Variants in MAP3K4 observed in about 807,000 individuals in gnomAD.
MAP3K4 encodes MAP three kinase 1.
Under a neutral mutation model 185.6 loss-of-function variants are expected in MAP3K4, and 67 were observed. The observed-to-expected ratio is 0.36, with a 90% CI of 0.30 to 0.44. MAP3K4 has a LOEUF of 0.44. Ranked by LOEUF, MAP3K4 falls within the 20% of genes least tolerant of loss-of-function variation. The probability of loss-of-function intolerance (pLI) is 1.00; values close to 1 mark genes in which losing one functional copy is unlikely to be tolerated. For missense variants in MAP3K4, 1,551 were observed against 1,995.1 expected (o/e 0.78, Z 4.24); for synonymous variants, 702 against 710.4 (o/e 0.99, Z 0.19).
chr6:161,102,455 G>A (rs1777878645), intron 18 of MAP3K4, among the ~76,000 whole-genome samples: 1 of 152,108 alleles, frequency 6.6e-6, no homozygotes, highest in Non-Finnish European at 1.5e-5. Flanking sequence ...ACAGTATTCT[G>A]TTGTCTGTTA....
In MAP3K4 at chr6:161,080,223, G is replaced by A. The variant is rs1217919218; in HGVS notation, c.2098-658G>A. Among the ~76,000 whole-genome samples the A allele has an allele frequency of 1.3e-5, 2 of 152,196 alleles. No individual in the cohort carries two copies. Among genetic ancestry groups the A allele is most frequent in the African/African-American group, 4.8e-5 (2 of 41,446 alleles). On this transcript the variant is annotated intron_variant, in intron 5 of 26. Coordinates refer to ENST00000392142, the MANE Select transcript of MAP3K4 (RefSeq NM_005922.4). This position sits in a 1 kb window ranked among gnomAD's most constrained non-coding sequence, Gnocchi z 4.8. The stretch of plus-strand genomic sequence containing the variant: ...ATAGACAGGGTTGTTCTAGAAGGTG[G>A]CCATTGCAAACCTGTTGAGAAAAAC...
In MAP3K4 at chr6:161,087,717, A is replaced by C; in HGVS notation, c.2586A>C (p.Gln862His). Residue 862 changes from glutamine (Q) to histidine (H), a missense_variant, in exon 10 of 27, where the codon CAA becomes CAC. By Grantham distance (24) the Gln-to-His change is conservative. This residue lies in a region of MAP3K4 where 261 missense variants were observed against 306.5 expected (regional missense o/e 0.85). Transcript: ENST00000392142. This position sits in a 1 kb window ranked among gnomAD's most constrained non-coding sequence, Gnocchi z 4.9. ...KVQIPGLENL[Q>H]MFVPDTLAEE... ...AAATTCCTGGGTTAGAAAACTTGCA[A>C]ATGTTTGTTCCAGACACTCTTGCTG... 1 of 1,614,158 alleles carries C rather than the reference A, an allele frequency of 6.2e-7. No homozygotes were observed. Among genetic ancestry groups the C allele is most frequent in the South Asian group, 1.1e-5 (1 of 91,078 alleles).
At position 161,022,530 on chromosome 6, in the gene MAP3K4, T is replaced by C. The variant is rs1306375678; in HGVS notation, c.153-11729T>C. On this transcript the variant is annotated intron_variant, in intron 1 of 26. Transcript: ENST00000392142. The surrounding 1 kb of genome is among the most constrained non-coding windows in gnomAD (Gnocchi z 4.2). ...TTCTCCTGGTCTCTCTCTCATGCTA[T>C]GCTCTCTCTCCACCTGGAGGGACTT... 6.6e-6 allele frequency among the ~76,000 whole-genome samples: 1 copy of C among 152,230 alleles called. No individual in the cohort carries two copies. The highest frequency in any genetic ancestry group is 1.5e-5 in the Non-Finnish European group (1 of 68,044).
In MAP3K4 at chr6:161,073,704, G is replaced by T; in HGVS notation, c.2097+92G>T. The T allele has an allele frequency of 7.6e-7, 1 of 1,312,104 alleles. No individual in the cohort carries two copies. Among genetic ancestry groups the T allele is most frequent in the Non-Finnish European group, 1.0e-6 (1 of 958,556 alleles). 81.3% of individuals were successfully genotyped at this position (1,312,104 alleles called of 1,614,324 possible). A position where few individuals can be genotyped will look rare whatever the true frequency, so the allele number is the denominator to read the frequency against. ...ATTTCCTTGTTTTGCAAACAGCGTT[G>T]GCATACATATTCAGATAAACTTCTC... On this transcript the variant is annotated intron_variant, in intron 5 of 26. Transcript: ENST00000392142. This position sits in a 1 kb window ranked among gnomAD's most constrained non-coding sequence, Gnocchi z 4.2.
intron 1 of MAP3K4, chr6:160,992,287 C>T: frequency 1.6e-6 from 1 of 636,448 alleles, no homozygotes; most frequent in Non-Finnish European, 2.5e-6. Context: ...CCCGGGGTTG[C>T]AGCTCCGCAG....
rs1276782578 is a variant in MAP3K4, at chr6:161,115,436, C to G, written c.4806+134C>G. ...GAAAGGAACTAAATGTATTATTATG[C>G]CAGGGATTTTTGTATGTGTTTTTTC... On this transcript the variant is annotated intron_variant, in intron 26 of 26. Coordinates refer to ENST00000392142, the MANE Select transcript of MAP3K4 (RefSeq NM_005922.4). The surrounding 1 kb of genome is among the most constrained non-coding windows in gnomAD (Gnocchi z 6.0). The G allele has an allele frequency of 3.5e-6, 3 of 845,852 alleles. No individual in the cohort carries two copies. The highest frequency in any genetic ancestry group is 3.0e-5 in the Admixed American group (1 of 33,396). The allele number at this position is 845,852 out of a possible 1,614,324, so 52.4% of individuals were successfully genotyped here. A position where few individuals can be genotyped will look rare whatever the true frequency, so the allele number is the denominator to read the frequency against.
In MAP3K4 at chr6:161,075,034, T is replaced by C. The variant is rs1001431347; in HGVS notation, c.2097+1422T>C. Among the ~76,000 whole-genome samples, 2 of 152,204 alleles carry C rather than the reference T, an allele frequency of 1.3e-5. No homozygotes were observed. Among genetic ancestry groups the C allele is most frequent in the African/African-American group, 4.8e-5 (2 of 41,438 alleles). ...TGTAGTAGAAGTAGAGAAGGAAGAA[T>C]GTGGCTGGGAATGAGACATATTATA... On this transcript the variant is annotated intron_variant, in intron 5 of 26. Transcript: ENST00000392142. The surrounding 1 kb of genome is among the most constrained non-coding windows in gnomAD (Gnocchi z 4.3).
At chr6:161,046,096 G>T (rs546202723) in intron 2 of MAP3K4, among the ~76,000 whole-genome samples, 1 of 151,986 alleles carries the variant, frequency 6.6e-6, no homozygotes, top group Non-Finnish European at 1.5e-5. Context: ...CCATAGGCAC[G>T]TCAAATTCAG....
Position 161,049,820 on chromosome 6 carries a change from C to A in MAP3K4, c.1548C>A (p.Gly516=), listed in dbSNP as rs557700495. The A allele has an allele frequency of 1.2e-5, 19 of 1,614,098 alleles. No individual in the cohort carries two copies. In the South Asian group the frequency reaches 2.0e-4, roughly 17 times the overall value. ...WGAPDWSTEA[G]FSRHCLTSIY... ...CACCAGACTGGAGCACAGAAGCAGG[C>A]TTTAGTAGACATTGTCTGACTTCTA... The change falls in exon 3 of 27, where the codon GGC becomes GGA. Residue 516 remains glycine, a synonymous_variant. Transcript: ENST00000392142. This position sits in a 1 kb window ranked among gnomAD's most constrained non-coding sequence, Gnocchi z 8.4.
chr6:161,046,346 G>T (rs957135039), intron 2 of MAP3K4, among the ~76,000 whole-genome samples: 1 of 152,024 alleles, frequency 6.6e-6, no homozygotes, highest in African/African-American at 2.4e-5. Context: ...CAGAGCAAGA[G>T]AATTAAAGTT....
In MAP3K4 at chr6:161,112,401, C is replaced by A. The variant is rs1463969384; in HGVS notation, c.4520-267C>A. On this transcript the variant is annotated intron_variant, in intron 24 of 26. Transcript: ENST00000392142. This position sits in a 1 kb window ranked among gnomAD's most constrained non-coding sequence, Gnocchi z 5.1. ...ACTTAGTGCCATGAAATTTTGCCTCCTCCTTTGCAGGTTAAATTTTCTATT... is the reference window on the plus strand; with the variant it reads ...ACTTAGTGCCATGAAATTTTGCCTCATCCTTTGCAGGTTAAATTTTCTATT... 6.6e-6 allele frequency among the ~76,000 whole-genome samples: 1 copy of A among 152,110 alleles called. No homozygotes were observed.
rs573512391 is a variant in MAP3K4 at position 161,108,153 on chromosome 6, C to T, written c.4119+184C>T. On this transcript the variant is annotated intron_variant, in intron 21 of 26. Coordinates refer to ENST00000392142, the MANE Select transcript of MAP3K4 (RefSeq NM_005922.4). The surrounding 1 kb of genome is among the most constrained non-coding windows in gnomAD (Gnocchi z 5.7). ...CACACACAGACAGTGAAGGGGCTTA[C>T]GATTCCAGAGAGGATAATAAGTCAC... is the stretch of plus-strand genomic sequence containing the variant. Among the ~76,000 whole-genome samples the T allele has an allele frequency of 3.9e-5, 6 of 152,308 alleles. No individual in the cohort carries two copies. Among genetic ancestry groups the T allele is most frequent in the Non-Finnish European group, 5.9e-5 (4 of 68,030 alleles).
chr6:161,097,841 A>C lies in MAP3K4; in HGVS notation c.3525-437A>C. ...GGTGACTCACGCCTGTAATTCCAGCACTTTAGGAGGACGAGGCGGGAGGAT... is the reference window on the plus strand; with the variant it reads ...GGTGACTCACGCCTGTAATTCCAGCCCTTTAGGAGGACGAGGCGGGAGGAT... On this transcript the variant is annotated intron_variant, in intron 16 of 26. Coordinates refer to ENST00000392142, the MANE Select transcript of MAP3K4 (RefSeq NM_005922.4). This position sits in a 1 kb window ranked among gnomAD's most constrained non-coding sequence, Gnocchi z 4.9. 6.6e-6 allele frequency among the ~76,000 whole-genome samples: 1 copy of C among 151,864 alleles called. No homozygotes were observed. The highest frequency in any genetic ancestry group is 1.9e-4 in the East Asian group (1 of 5,176).
rs996158766 is a variant in MAP3K4, at chr6:161,008,672, G to A, written c.152+16589G>A. Among the ~76,000 whole-genome samples, 1 of 152,162 alleles carries A rather than the reference G, an allele frequency of 6.6e-6. No homozygotes were observed. Among genetic ancestry groups the A allele is most frequent in the African/African-American group, 2.4e-5 (1 of 41,446 alleles). On this transcript the variant is annotated intron_variant, in intron 1 of 26. Coordinates refer to ENST00000392142, the MANE Select transcript of MAP3K4 (RefSeq NM_005922.4). The surrounding 1 kb of genome is among the most constrained non-coding windows in gnomAD (Gnocchi z 4.1). The stretch of plus-strand genomic sequence containing the variant: ...GATAAATTGTTCAAAAGCAAATACA[G>A]TGTTATAAAGTTTACCTAAGTGAAG...
Position 161,054,885 on chromosome 6 carries a change from C to G in MAP3K4, c.1707+4906C>G, listed in dbSNP as rs1784166728. On this transcript the variant is annotated intron_variant, in intron 3 of 26. Transcript: ENST00000392142. This position sits in a 1 kb window ranked among gnomAD's most constrained non-coding sequence, Gnocchi z 4.2. ...CATGATGGGAAAAAATAAGAGGAAA[C>G]CTTACCCTCCCCCATATCCATTTGT... Among the ~76,000 whole-genome samples the G allele has an allele frequency of 6.6e-6, 1 of 152,154 alleles. No homozygotes were observed. Among genetic ancestry groups the G allele is most frequent in the African/African-American group, 2.4e-5 (1 of 41,436 alleles).
At chr6:161,036,615 G>A (rs1055287187) in intron 2 of MAP3K4, among the ~76,000 whole-genome samples, 9 of 151,830 alleles carry the variant, frequency 5.9e-5, no homozygotes, top group African/African-American at 2.2e-4. Flanking sequence ...TAATTTAAAT[G>A]GCTGCTATAT....
At position 161,034,362 on chromosome 6, in the gene MAP3K4, C is replaced by G. The variant is rs1468792621; in HGVS notation, c.256C>G (p.Pro86Ala). ...NTENLYGTSP[P>A]STPRQMKRMS... ...AGAGAATCTTTATGGTACCTCTCCC[C>G]CCAGCACACCTCGACAGATGAAACG... The change falls in exon 2 of 27, where the codon CCC becomes GCC. Residue 86 changes from proline to alanine, a missense_variant. Around this residue, in one of 16 missense-constraint regions of MAP3K4, gnomAD observed 287 missense variants for 268.8 expected, o/e 1.07. Transcript: ENST00000392142. This position sits in a 1 kb window ranked among gnomAD's most constrained non-coding sequence, Gnocchi z 4.4. 1.2e-6 allele frequency: 2 copies of G among 1,613,754 alleles called. No individual in the cohort carries two copies. Among genetic ancestry groups the G allele is most frequent in the African/African-American group, 1.3e-5 (1 of 74,860 alleles).
rs144011617 is a variant in MAP3K4 at position 161,102,007 on chromosome 6, G to A, written c.3775+15G>A. ...GGAGCGAGATGGTGAGTGTTTTAAG[G>A]TGTTAGCTGCATTCACAACCAGTCT... On this transcript the variant is annotated intron_variant, in intron 18 of 26. Coordinates refer to ENST00000392142, the MANE Select transcript of MAP3K4 (RefSeq NM_005922.4). 6.4e-4 allele frequency: 1,018 copies of A among 1,600,022 alleles called. No individual in the cohort carries two copies. Among genetic ancestry groups the A allele is most frequent in the Non-Finnish European group, 7.6e-4 (888 of 1,167,534 alleles).
rs186315666 is a variant in MAP3K4 at position 161,075,087 on chromosome 6, A to G, written c.2097+1475A>G. ...TGGCATATTGCAAGAAATCATTTTA[A>G]TGAGTTAGAAGTTATTCTCTATATA... On this transcript the variant is annotated intron_variant, in intron 5 of 26. Transcript: ENST00000392142. This position sits in a 1 kb window ranked among gnomAD's most constrained non-coding sequence, Gnocchi z 4.3. Among the ~76,000 whole-genome samples, 1 of 152,338 alleles carries G rather than the reference A, an allele frequency of 6.6e-6. No individual in the cohort carries two copies. Among genetic ancestry groups the G allele is most frequent in the East Asian group, 1.9e-4 (1 of 5,184 alleles).
Sources: allele counts gnomAD v4.1 joint callset (sites outside exome capture counted in the v4.1 genomes callset), GRCh38; gene constraint gnomAD v4.1.1; regional missense constraint gnomAD v4.1.1; non-coding constraint Gnocchi (gnomAD v3.1); transcripts MANE v1.5; gene names NCBI Gene and HGNC (gene_info 2026-07-23, HGNC 2026-07-21).